The following DPEP1 variants were observed in gnomAD, a reference collection of about 807,000 sequenced individuals.
DPEP1 encodes beta-lactamase.
DPEP1 carries 50 observed loss-of-function variants against 42.3 expected under a neutral mutation model. The observed-to-expected ratio is 1.18, with a 90% CI of 0.94 to 1.50. DPEP1 has a LOEUF of 1.50. DPEP1 is among the 40% of genes most tolerant of loss of function. The pLI is 0.00. For synonymous variants in DPEP1, 297 were observed against 234.0 expected (o/e 1.27, Z -2.46); for missense variants, 663 against 553.0 (o/e 1.20, Z -1.99).
At chr16:89,614,757 T>C (rs1369458408) in intron 1 of DPEP1, among the ~76,000 whole-genome samples, 6 of 152,292 alleles carry the variant, frequency 3.9e-5, no homozygotes, top group East Asian at 1.9e-4. Context: ...ATCGTGCCAC[T>C]GCACTCCAGC....
downstream of DPEP1, among the ~76,000 whole-genome samples, chr16:89,639,829 A>C (rs1416642131): frequency 6.6e-6 from 1 of 152,024 alleles, no homozygotes; most frequent in Non-Finnish European, 1.5e-5. Flanking sequence ...GGGATTACAG[A>C]TGTGCGCCAC....
chr16:89,629,363 G>T (rs1166932660), intron 1 of DPEP1, among the ~76,000 whole-genome samples: 1 of 152,062 alleles, frequency 6.6e-6, no homozygotes, highest in Non-Finnish European at 1.5e-5. Flanking sequence ...TTAGCCAGAC[G>T]TGGTGGTGCA....
chr16:89,619,839 T>C (rs9673342), intron 1 of DPEP1, among the ~76,000 whole-genome samples: 195 of 2,722 alleles, frequency 0.072, 50 homozygotes, highest in South Asian at 0.25. Flanking sequence ...GCCCCCTGCG[T>C]CCCCTCCCCT....
chr16:89,641,220 C>CGGG (rs58339247), downstream of DPEP1, among the ~76,000 whole-genome samples: 8 of 151,712 alleles, frequency 5.3e-5, no homozygotes, highest in African/African-American at 1.9e-4. Context: ...CGGAGGGCTG[C>CGGG]GGGGGGGGGT....
chr16:89,641,222 G>C (rs945513292), downstream of DPEP1, among the ~76,000 whole-genome samples: 5 of 25,188 alleles, frequency 2.0e-4, no homozygotes, highest in East Asian at 0.4. Flanking sequence ...GAGGGCTGCG[G>C]GGGGGGGTTG....
chr16:89,621,649 C>G (rs2059447482), intron 1 of DPEP1, among the ~76,000 whole-genome samples: 2 of 152,238 alleles, frequency 1.3e-5, no homozygotes, highest in Admixed American at 6.5e-5. Context: ...TGAGTGTGGG[C>G]TCCCGTCCCT....
intron 1 of DPEP1, among the ~76,000 whole-genome samples, chr16:89,625,308 C>T (rs1001646588): frequency 2.0e-4 from 31 of 152,142 alleles, no homozygotes; most frequent in Non-Finnish European, 7.3e-5. Context: ...CAGGGCATCA[C>T]GTGCAGAGAG....
chr16:89,637,580 G>C (rs1488576180), intron 8 of DPEP1, 28 bp downstream of exon 8: 1 of 1,612,824 alleles, frequency 6.2e-7, no homozygotes, highest in South Asian at 1.1e-5. Flanking sequence ...GGCCAAGGGG[G>C]CCGAAGGGGG....
intron 1 of DPEP1, among the ~76,000 whole-genome samples, chr16:89,615,622 C>A (rs571105156): frequency 6.6e-6 from 1 of 152,352 alleles, no homozygotes. Flanking sequence ...GCAGAGCCCA[C>A]CCTGAGGGAG....
chr16:89,640,689 G>T, downstream of DPEP1: 1 of 971,202 alleles, frequency 1.0e-6, no homozygotes, highest in Non-Finnish European at 1.2e-6. Context: ...GAGACTCGGG[G>T]GGTCCCTGGT....
chr16:89,616,858 A>G (rs960588178), intron 1 of DPEP1: 11 of 228,302 alleles, frequency 4.8e-5, no homozygotes, highest in Non-Finnish European at 9.0e-5. Flanking sequence ...GCCAGGAAGC[A>G]GGCAGGAAGT....
chr16:89,636,312 CGGA>C lies in DPEP1; in HGVS notation c.290_292del (p.Arg97del). The stretch of plus-strand genomic sequence containing the variant: ...CGACACCCAGAACAAAGACGCCGTG[CGGA>C]GGACGCTGGAGCAGATGGACGTGGT... On this transcript the variant is annotated inframe_deletion, in exon 4 of 11. Coordinates refer to ENST00000690203, the MANE Select transcript of DPEP1 (RefSeq NM_001389466.1). 6.2e-7 allele frequency: 1 copy of C among 1,612,232 alleles called. No homozygotes were observed. The highest frequency in any genetic ancestry group is 8.5e-7 in the Non-Finnish European group (1 of 1,179,794).
Position 89,616,977 on chromosome 16 carries a change from C to T in DPEP1, c.-107+3258C>T, listed in dbSNP as rs994863483. 5.2e-5 allele frequency: 11 copies of T among 212,688 alleles called. No homozygotes were observed. In the East Asian group the frequency reaches 1.8e-3, roughly 35 times the overall value. The allele number at this position is 212,688 out of a possible 1,614,324, so 13.2% of individuals were successfully genotyped here. Reference sequence around the variant, plus strand: ...CTCCAGAGGGGATGATGGAGTCTGGCAGAGAATGGGGCGGGAGGCTGGAGG... The same window carrying T: ...CTCCAGAGGGGATGATGGAGTCTGGTAGAGAATGGGGCGGGAGGCTGGAGG... On this transcript the variant is annotated intron_variant, in intron 1 of 10. Coordinates refer to ENST00000690203, the MANE Select transcript of DPEP1 (RefSeq NM_001389466.1).
intron 1 of DPEP1, among the ~76,000 whole-genome samples, chr16:89,621,987 G>GGA (rs2059452147): frequency 6.6e-6 from 1 of 152,166 alleles, no homozygotes. Context: ...TGTGGTTCTG[G>GGA]GAGACAGAGC....
At chr16:89,638,984 AC>A, downstream of DPEP1, among the ~76,000 whole-genome samples, 1 of 35,538 alleles carries the variant, frequency 2.8e-5, no homozygotes, top group Admixed American at 3.5e-4. Context: ...GCACACACAC[AC>A]CCCACCCCTG....
intron 1 of DPEP1, 127 bp from the exon 2 acceptor site, chr16:89,630,178 C>T: frequency 2.6e-6 from 1 of 385,778 alleles, no homozygotes; most frequent in Non-Finnish European, 4.8e-6. Context: ...CATTGAGTGT[C>T]CGGCCTTCCA....
At chr16:89,614,714 G>C (rs2059365106) in intron 1 of DPEP1, among the ~76,000 whole-genome samples, 1 of 152,206 alleles carries the variant, frequency 6.6e-6, no homozygotes, top group South Asian at 2.1e-4. Flanking sequence ...AGAATGGCGT[G>C]AACCCGGGAG....
At chr16:89,626,080 T>C (rs997669556) in intron 1 of DPEP1, among the ~76,000 whole-genome samples, 1 of 152,028 alleles carries the variant, frequency 6.6e-6, no homozygotes, top group Non-Finnish European at 1.5e-5. Flanking sequence ...CCCCCCGTCC[T>C]CCCGCCACTG....
chr16:89,638,601 CT>C, downstream of DPEP1: 1 of 684,938 alleles, frequency 1.5e-6, no homozygotes, highest in Non-Finnish European at 1.9e-6. Flanking sequence ...GCTTGAGCGT[CT>C]TTAGGGACAG....
Sources: gnomAD v4.1 joint callset for allele counts (sites outside exome capture counted in the v4.1 genomes callset) on GRCh38, gnomAD v4.1.1 for gene constraint, MANE v1.5 for transcripts, NCBI Gene and HGNC (gene_info 2026-07-23, HGNC 2026-07-21) for gene names.